CLCN1: variants seen among roughly 807,000 people sequenced by gnomAD.
CLCN1 encodes the protein chloride voltage-gated channel 1.
A neutral mutation model predicts 114.5 loss-of-function variants in CLCN1; 100 were observed. That is an observed-to-expected ratio of 0.87 (90% CI 0.74 to 1.03). The LOEUF is 1.03. Among genes scored for constraint, CLCN1 ranks in the 50% least tolerant of loss-of-function variants. The pLI, the probability that CLCN1 is intolerant of heterozygous loss-of-function variation, is 0.00. For synonymous variants in CLCN1, 485 were observed against 487.1 expected (o/e 1.00, Z 0.06); for missense variants, 1,188 against 1,250.0 (o/e 0.95, Z 0.75).
intron 16 of CLCN1, among the ~76,000 whole-genome samples, chr7:143,342,873 C>A (rs1265387665): frequency 6.6e-6 from 1 of 151,462 alleles, no homozygotes; most frequent in Non-Finnish European, 1.5e-5. Context: ...ACGGAGGTTG[C>A]GATGAGCCGA....
chr7:143,340,156 C>T (rs1803039616), intron 14 of CLCN1, among the ~76,000 whole-genome samples: 1 of 152,142 alleles, frequency 6.6e-6, no homozygotes, highest in Non-Finnish European at 1.5e-5. Context: ...CAATAGAATC[C>T]TGGGATTATT....
rs745586851 is a variant in CLCN1 at position 143,351,867 on chromosome 7, G to A, written c.2869G>A (p.Val957Met). 4 of 1,613,852 alleles carry A rather than the reference G, an allele frequency of 2.5e-6. No homozygotes were observed. The African/African-American group carries it at 4.0e-5, about 16-fold the overall frequency. Residue 957 changes from valine (V) to methionine (M), a missense_variant, in exon 23 of 23, where the codon GTG becomes ATG. Coordinates refer to ENST00000343257, the MANE Select transcript of CLCN1 (RefSeq NM_000083.3). ...VEGELEELEL[V>M]ESPGLEEELA... is the part of the protein sequence containing the mutation. ...GGGCGAGTTGGAGGAGCTGGAGCTGGTGGAGAGTCCAGGGCTGGAAGAGGA... is the reference window on the plus strand; with the variant it reads ...GGGCGAGTTGGAGGAGCTGGAGCTGATGGAGAGTCCAGGGCTGGAAGAGGA...
At chr7:143,343,390 A>T (rs900611220) in intron 16 of CLCN1, among the ~76,000 whole-genome samples, 1 of 152,262 alleles carries the variant, frequency 6.6e-6, no homozygotes, top group Non-Finnish European at 1.5e-5. Context: ...CCTGTTTACA[A>T]TGTGAAAGCT....
intron 8 of CLCN1, 55 bp from the exon 9 acceptor site, chr7:143,331,177 C>T: frequency 1.5e-5 from 19 of 1,301,448 alleles, no homozygotes; most frequent in Non-Finnish European, 2.1e-5. Flanking sequence ...ACCTCTGTTT[C>T]CCTGTTGGGT....
At chr7:143,338,427 A>AC in intron 12 of CLCN1, among the ~76,000 whole-genome samples, 1 of 137,848 alleles carries the variant, frequency 7.3e-6, no homozygotes, top group African/African-American at 2.5e-5. Context: ...TGGTTCTATG[A>AC]CCCCATTGAA....
rs576407487 is a variant in CLCN1, at chr7:143,351,553, T to A, written c.2596-41T>A. ...TCACTGCCCCCGTCTTTTTTCTTTTTCCAACTTTTTACCCTCTTTTCCTTT... is the reference window on the plus strand; with the variant it reads ...TCACTGCCCCCGTCTTTTTTCTTTTACCAACTTTTTACCCTCTTTTCCTTT... On this transcript the variant is annotated intron_variant, in intron 22 of 22. Coordinates refer to ENST00000343257, the MANE Select transcript of CLCN1 (RefSeq NM_000083.3). The A allele has an allele frequency of 1.9e-6, 3 of 1,609,182 alleles. No homozygotes were observed. The East Asian group carries it at 6.7e-5, about 36-fold the overall frequency.
chr7:143,316,544 A>G, intron 1 of CLCN1, 152 bp downstream of exon 1: 1 of 719,468 alleles, frequency 1.4e-6, no homozygotes, highest in Non-Finnish European at 2.3e-6. Flanking sequence ...TCAAAATATG[A>G]AAATCTTTGA....
Position 143,339,442 on chromosome 7 carries a change from T to C in CLCN1, c.1472-69T>C, listed in dbSNP as rs1803018384. ...TTGTTCTTAATGCCCAAGGAGAGAT[T>C]GGTTCTGAAAACTGAGAGCAAGGAA... is the stretch of plus-strand genomic sequence containing the variant. On this transcript the variant is annotated intron_variant, in intron 13 of 22. Transcript: ENST00000343257. The surrounding 1 kb of genome is among the most constrained non-coding windows in gnomAD (Gnocchi z 4.1). 1.4e-5 allele frequency: 20 copies of C among 1,401,622 alleles called. No homozygotes were observed. The highest frequency in any genetic ancestry group is 3.5e-4 in the Middle Eastern group (2 of 5,714). The allele number at this position is 1,401,622 out of a possible 1,614,324, so 86.8% of individuals were successfully genotyped here.
chr7:143,342,864 C>T (rs182229083), intron 16 of CLCN1, among the ~76,000 whole-genome samples: 4 of 151,482 alleles, frequency 2.6e-5, no homozygotes, highest in East Asian at 3.9e-4. Flanking sequence ...ACCCGGGAGA[C>T]GGAGGTTGCG....
intron 10 of CLCN1, 46 bp from the exon 11 acceptor site, chr7:143,332,373 C>T: frequency 7.1e-7 from 1 of 1,414,634 alleles, no homozygotes; most frequent in South Asian, 1.1e-5. Context: ...ATGGTATTTA[C>T]TGTGAGTTGG....
chr7:143,338,761 T>G (rs1802989762), intron 12 of CLCN1, among the ~76,000 whole-genome samples: 1 of 141,402 alleles, frequency 7.1e-6, no homozygotes, highest in Non-Finnish European at 1.5e-5. Flanking sequence ...CACTCCAGCT[T>G]GGGTGCTGGG....
intron 12 of CLCN1, among the ~76,000 whole-genome samples, chr7:143,337,902 C>T (rs564308030): frequency 7.6e-6 from 1 of 131,916 alleles, no homozygotes; most frequent in African/African-American, 2.8e-5. Context: ...TCTCAGCTCA[C>T]TGCAAGCTCC....
At position 143,352,047 on chromosome 7, in the gene CLCN1, A is replaced by G; in HGVS notation, c.*82A>G. ...TTGTGTGGGGCAGGGTGCGTCCTGA[A>G]TGTGGCGAGGTCATGCCAATGTCGT... On this transcript the variant is annotated 3_prime_UTR_variant, in exon 23 of 23. Coordinates refer to ENST00000343257, the MANE Select transcript of CLCN1 (RefSeq NM_000083.3). The G allele has an allele frequency of 6.3e-7, 1 of 1,581,010 alleles. No individual in the cohort carries two copies. Among genetic ancestry groups the G allele is most frequent in the Non-Finnish European group, 8.7e-7 (1 of 1,152,582 alleles).
In CLCN1 at chr7:143,350,243, T is replaced by A. The variant is rs558134109; in HGVS notation, c.2404-129T>A. 60 of 737,030 alleles carry A rather than the reference T, an allele frequency of 8.1e-5. No individual in the cohort carries two copies. In the East Asian group the frequency reaches 1.5e-3, roughly 19 times the overall value. 45.7% of individuals were successfully genotyped at this position (737,030 alleles called of 1,614,324 possible). ...GGAGGAGGTCCTCTGATCTGGGGGA[T>A]CTATGATCAGTTCTTGCATGTTCCC... On this transcript the variant is annotated intron_variant, in intron 20 of 22. Coordinates refer to ENST00000343257, the MANE Select transcript of CLCN1 (RefSeq NM_000083.3). This position sits in a 1 kb window ranked among gnomAD's most constrained non-coding sequence, Gnocchi z 5.1.
chr7:143,351,016 G>C (rs1803383583), intron 22 of CLCN1, among the ~76,000 whole-genome samples: 1 of 152,148 alleles, frequency 6.6e-6, no homozygotes, highest in South Asian at 2.1e-4. Flanking sequence ...GACCTCAGGT[G>C]ATCCGCCCGC....
Position 143,321,748 on chromosome 7 carries a change from G to C in CLCN1, c.596G>C (p.Arg199Pro). 1.2e-6 allele frequency: 2 copies of C among 1,614,214 alleles called. No individual in the cohort carries two copies. The highest frequency in any genetic ancestry group is 1.1e-5 in the South Asian group (1 of 91,084). ...SGIPEMKTIL[R>P]GVVLKEYLTM... ...ATCCCCGAAATGAAGACAATACTTC[G>C]TGGGGTTGTCCTGAAGGAATACCTC... The change falls in exon 5 of 23, where the codon CGT becomes CCT. Residue 199 changes from arginine (R) to proline (P), a missense_variant. Arg to Pro is a moderately radical substitution (Grantham distance 103, BLOSUM62 -2). Coordinates refer to ENST00000343257, the MANE Select transcript of CLCN1 (RefSeq NM_000083.3). This position sits in a 1 kb window ranked among gnomAD's most constrained non-coding sequence, Gnocchi z 4.2.
In CLCN1 at chr7:143,321,692, A is replaced by T. The variant is rs41276048; in HGVS notation, c.563-23A>T. On this transcript the variant is annotated intron_variant, in intron 4 of 22. Transcript: ENST00000343257. This position sits in a 1 kb window ranked among gnomAD's most constrained non-coding sequence, Gnocchi z 4.2. ...CTTTTCACCTTCACCTTGACCCTGC[A>T]CATAATCTTTCAACGCTTTTAGGCT... The T allele has an allele frequency of 0.064, 102,944 of 1,613,908 alleles. 3,664 individuals carry two copies. Among genetic ancestry groups the T allele is most frequent in the Middle Eastern group, 0.1 (625 of 6,062 alleles).
chr7:143,344,739 T>A lies in CLCN1; in HGVS notation c.1931-782T>A, dbSNP rs189511946. Among the ~76,000 whole-genome samples, 36 of 147,134 alleles carry A rather than the reference T, an allele frequency of 2.4e-4. No individual in the cohort carries two copies. In the East Asian group the frequency reaches 3.9e-3, roughly 16 times the overall value. ...CTCAGGAAAAGTAGGCATTTTGATTTATCCTAGCAGGGTTTTTTTTTTTTT... is the reference window on the plus strand; with the variant it reads ...CTCAGGAAAAGTAGGCATTTTGATTAATCCTAGCAGGGTTTTTTTTTTTTT... On this transcript the variant is annotated intron_variant, in intron 16 of 22. Coordinates refer to ENST00000343257, the MANE Select transcript of CLCN1 (RefSeq NM_000083.3).
At chr7:143,333,390 T>C (rs997559390) in intron 12 of CLCN1, among the ~76,000 whole-genome samples, 2 of 152,218 alleles carry the variant, frequency 1.3e-5, no homozygotes, top group Non-Finnish European at 2.9e-5. Context: ...CAACTTAGTG[T>C]TGTCTGGCAT....
Sources: gnomAD v4.1 joint callset for allele counts (sites outside exome capture counted in the v4.1 genomes callset) on GRCh38, gnomAD v4.1.1 for gene constraint, Gnocchi (gnomAD v3.1) non-coding constraint, MANE v1.5 for transcripts, NCBI Gene and HGNC (gene_info 2026-07-23, HGNC 2026-07-21) for gene names.